HK2: variants seen among roughly 807,000 people sequenced by gnomAD.
HK2 encodes the protein hexokinase-2.
HK2 carries 42 observed loss-of-function variants against 92.9 expected under a neutral mutation model. The ratio of observed to expected loss-of-function variants is 0.45; its 90% confidence interval spans 0.35 to 0.58. The LOEUF (loss-of-function observed/expected upper bound fraction) is 0.58, where lower values mean the gene tolerates loss of function less well. HK2 is among the 20% of genes least tolerant of loss of function. The probability of loss-of-function intolerance (pLI) is 0.00; values close to 1 mark genes in which losing one functional copy is unlikely to be tolerated. For missense variants in HK2, 978 were observed against 1,245.1 expected, an observed-to-expected ratio of 0.79 and a Z score of 3.23; for synonymous variants, 422 against 468.0, an observed-to-expected ratio of 0.90 and a Z score of 1.27.
intron 2 of HK2, among the ~76,000 whole-genome samples, chr2:74,858,011 G>A (rs147262852): frequency 6.3e-4 from 96 of 152,266 alleles, no homozygotes; most frequent in African/African-American, 2.2e-3. Flanking sequence ...TTCTCAGCCC[G>A]TTCATGGCTA....
At chr2:74,854,595 C>A in intron 2 of HK2, 140 bp downstream of exon 2, 2 of 919,144 alleles carry the variant, frequency 2.2e-6, no homozygotes, top group Non-Finnish European at 3.4e-6. Flanking sequence ...GAATGGAAGG[C>A]TGTGTGACGG....
At chr2:74,868,588 G>A (rs981709364) in intron 3 of HK2, among the ~76,000 whole-genome samples, 4 of 152,122 alleles carry the variant, frequency 2.6e-5, no homozygotes, top group Non-Finnish European at 5.9e-5. Context: ...AGGGGTTTTT[G>A]TCTGTTTATC....
chr2:74,852,435 C>T (rs1457923871), intron 1 of HK2, among the ~76,000 whole-genome samples: 1 of 152,206 alleles, frequency 6.6e-6, no homozygotes, highest in Non-Finnish European at 1.5e-5. Context: ...GGGGCCTTGT[C>T]TAGTGTCAGG....
chr2:74,840,714 A>C (rs955286948), intron 1 of HK2, among the ~76,000 whole-genome samples: 177 of 83,674 alleles, frequency 2.1e-3, no homozygotes, highest in Non-Finnish European at 3.7e-3. Context: ...AAAAATACAA[A>C]AAAAAAAAAA....
At chr2:74,840,904 A>G (rs111819829) in intron 1 of HK2, among the ~76,000 whole-genome samples, 1,759 of 113,972 alleles carry the variant, frequency 0.015, 69 homozygotes, top group African/African-American at 0.049. Flanking sequence ...AAAAAAAAAA[A>G]GCTGTGGGGG....
chr2:74,851,065 G>C (rs1023029048), intron 1 of HK2, among the ~76,000 whole-genome samples: 13 of 152,174 alleles, frequency 8.5e-5, no homozygotes, highest in African/African-American at 3.1e-4. Context: ...AGGAAAATAA[G>C]GTCCCAGGGT....
chr2:74,852,666 T>C (rs1418132336), intron 1 of HK2, among the ~76,000 whole-genome samples: 1 of 151,400 alleles, frequency 6.6e-6, no homozygotes, highest in Non-Finnish European at 1.5e-5. Flanking sequence ...AGACCCTGTC[T>C]CAAAAATAAC....
At chr2:74,848,265 A>T (rs1185953245) in intron 1 of HK2, among the ~76,000 whole-genome samples, 1 of 152,170 alleles carries the variant, frequency 6.6e-6, no homozygotes, top group Non-Finnish European at 1.5e-5. Flanking sequence ...CATTCTAGAG[A>T]CACTCATTGA....
chr2:74,874,208 A>G (rs1460456608), intron 6 of HK2, 58 bp from the exon 7 acceptor site: 4 of 1,601,878 alleles, frequency 2.5e-6, no homozygotes, highest in Middle Eastern at 1.9e-4. Context: ...TATAAGAGGG[A>G]AGAGGGGTGG....
At chr2:74,854,168 A>T in intron 1 of HK2, 125 bp from the exon 2 acceptor site, 1 of 926,184 alleles carries the variant, frequency 1.1e-6, no homozygotes, top group Non-Finnish European at 1.8e-6. Context: ...AATGGTCTTT[A>T]ATAATAACTT....
intron 1 of HK2, among the ~76,000 whole-genome samples, chr2:74,843,731 T>C (rs566976167): frequency 6.6e-6 from 1 of 152,200 alleles, no homozygotes; most frequent in Non-Finnish European, 1.5e-5. Flanking sequence ...CCATATTGTC[T>C]GAAGGAATAA....
chr2:74,877,390 G>A, intron 8 of HK2, 69 bp downstream of exon 8: 1 of 1,556,810 alleles, frequency 6.4e-7, no homozygotes, highest in Non-Finnish European at 8.9e-7. Context: ...TGGGGAATGA[G>A]GAGGGGGCTG....
intron 17 of HK2, 124 bp from the exon 18 acceptor site, chr2:74,890,673 C>A: frequency 9.2e-7 from 1 of 1,087,032 alleles, no homozygotes; most frequent in Non-Finnish European, 1.4e-6. Flanking sequence ...AGCTGTCATC[C>A]TTCTCCTCTT....
chr2:74,886,051 G>A (rs1197017608), intron 13 of HK2, among the ~76,000 whole-genome samples: 1 of 151,966 alleles, frequency 6.6e-6, no homozygotes, highest in Non-Finnish European at 1.5e-5. Flanking sequence ...AGAAAGAAAA[G>A]GAGTGAAGTG....
chr2:74,834,619 G>A lies in HK2; in HGVS notation c.39G>A (p.Glu13=), dbSNP rs771754150. 15 of 1,613,840 alleles carry A rather than the reference G, an allele frequency of 9.3e-6. No individual in the cohort carries two copies. Among genetic ancestry groups the A allele is most frequent in the Non-Finnish European group, 1.2e-5 (14 of 1,179,878 alleles). ...ATCTGCTTGCCTACTTCTTCACGGA[G>A]CTCAACCATGACCAAGTGCAGAAGG... ...ASHLLAYFFT[E]LNHDQVQKVD... Residue 13 remains glutamate, a synonymous_variant, in exon 1 of 18, where the codon GAG becomes GAA. Coordinates refer to ENST00000290573, the MANE Select transcript of HK2 (RefSeq NM_000189.5). The surrounding 1 kb of genome is among the most constrained non-coding windows in gnomAD (Gnocchi z 4.2).
chr2:74,888,932 G>A (rs1689605013), intron 16 of HK2, among the ~76,000 whole-genome samples: 1 of 152,178 alleles, frequency 6.6e-6, no homozygotes, highest in African/African-American at 2.4e-5. Flanking sequence ...AAAGAGCTTT[G>A]TAACTGACCA....
In HK2 at chr2:74,875,473, C is replaced by T. The variant is rs190371076; in HGVS notation, c.875+1024C>T. On this transcript the variant is annotated intron_variant, in intron 7 of 17. Transcript: ENST00000290573. ...CTTCCTGAGTAGCTGGGATTACAGG[C>T]GCCTGCCACCACGCCCAGCTAATTT... Among the ~76,000 whole-genome samples, 374 of 151,988 alleles carry T rather than the reference C, an allele frequency of 2.5e-3. 1 individual carries two copies. Among genetic ancestry groups the T allele is most frequent in the African/African-American group, 8.7e-3 (361 of 41,438 alleles).
intron 12 of HK2, among the ~76,000 whole-genome samples, chr2:74,882,669 A>G (rs1263893599): frequency 7.2e-6 from 1 of 138,880 alleles, no homozygotes; most frequent in Non-Finnish European, 1.6e-5. Context: ...TAGGTTTCTT[A>G]CCTGCATTAT....
chr2:74,889,426 G>C lies in HK2; in HGVS notation c.2557G>C (p.Ala853Pro). The C allele has an allele frequency of 3.7e-6, 6 of 1,613,862 alleles. No individual in the cohort carries two copies. Among genetic ancestry groups the C allele is most frequent in the Non-Finnish European group, 5.1e-6 (6 of 1,179,896 alleles). The change falls in exon 17 of 18, where the codon GCT (alanine) becomes CCT (proline). Residue 853 changes from alanine to proline, a missense_variant. By Grantham distance (27) the Ala-to-Pro change is conservative. Around this residue, in one of 3 missense-constraint regions of HK2, gnomAD observed 742 missense variants for 922.5 expected, o/e 0.80. Coordinates refer to ENST00000290573, the MANE Select transcript of HK2 (RefSeq NM_000189.5). ...GATACGAGAAAACCGTGGGCTGGAC[G>C]CTCTCAAAGTGACAGTGGGTGTGGA... Reference protein sequence around the residue: ...DRIRENRGLDALKVTVGVDGT... With the variant: ...DRIRENRGLDPLKVTVGVDGT...
Sources: gnomAD v4.1 joint callset for allele counts (sites outside exome capture counted in the v4.1 genomes callset) on GRCh38, gnomAD v4.1.1 for gene constraint, gnomAD v4.1.1 regional missense constraint, Gnocchi (gnomAD v3.1) non-coding constraint, MANE v1.5 for transcripts, NCBI Gene and HGNC (gene_info 2026-07-23, HGNC 2026-07-21) for gene names.